The following PTBP3 variants were observed in gnomAD, a reference collection of about 807,000 sequenced individuals.
PTBP3 encodes the protein polypyrimidine tract-binding protein 3.
In PTBP3, 20 loss-of-function variants were observed where a neutral mutation model predicts 58.7. That is an observed-to-expected ratio of 0.34 (90% CI 0.24 to 0.50). The LOEUF is 0.50. Among genes scored for constraint, PTBP3 ranks in the 20% least tolerant of loss-of-function variants. PTBP3 has a pLI of 0.98. For synonymous variants in PTBP3, 185 were observed against 219.8 expected, an observed-to-expected ratio of 0.84 and a Z score of 1.40; for missense variants, 509 against 637.2, an observed-to-expected ratio of 0.80 and a Z score of 2.17.
At chr9:112,259,840 T>C (rs1420250407) in intron 5 of PTBP3, among the ~76,000 whole-genome samples, 1 of 152,246 alleles carries the variant, frequency 6.6e-6, no homozygotes, top group Non-Finnish European at 1.5e-5. Context: ...CCATTATTTA[T>C]GAAATTAGTG....
intron 2 of PTBP3, among the ~76,000 whole-genome samples, chr9:112,280,348 C>A (rs1457068474): frequency 6.9e-6 from 1 of 145,034 alleles, no homozygotes; most frequent in Non-Finnish European, 1.5e-5. Flanking sequence ...AGCCACCGTG[C>A]CTGGGCTGCT....
the PTBP3 span, among the ~76,000 whole-genome samples, chr9:112,355,723 T>C: frequency 6.8e-6 from 1 of 146,250 alleles, no homozygotes; most frequent in Non-Finnish European, 1.5e-5. Flanking sequence ...ACCTCCTGGG[T>C]TCAAGCAATC....
chr9:112,231,302 C>A, intron 10 of PTBP3, 78 bp downstream of exon 10: 1 of 1,175,184 alleles, frequency 8.5e-7, no homozygotes, highest in South Asian at 1.5e-5. Context: ...CAGAAGTAAT[C>A]AATACATATT....
intron 6 of PTBP3, 84 bp downstream of exon 6, chr9:112,252,593 TA>T: frequency 9.6e-7 from 1 of 1,044,790 alleles, no homozygotes; most frequent in Non-Finnish European, 1.4e-6. Flanking sequence ...ACAATTTTTT[TA>T]AAAACACATG....
chr9:112,255,286 GT>G (rs1265624310), intron 5 of PTBP3, among the ~76,000 whole-genome samples: 1 of 152,114 alleles, frequency 6.6e-6, no homozygotes, highest in Non-Finnish European at 1.5e-5. Context: ...TGGAAACATG[GT>G]ATTTGGTGAT....
rs752809168 is a variant in PTBP3 at position 112,232,163 on chromosome 9, G to A, written c.956C>T (p.Ala319Val). 1.2e-5 allele frequency: 20 copies of A among 1,613,198 alleles called. No individual in the cohort carries two copies. Among genetic ancestry groups the A allele is most frequent in the Non-Finnish European group, 1.6e-5 (19 of 1,179,374 alleles). Residue 319 changes from alanine (A) to valine (V), a missense_variant, in exon 9 of 14, where the codon GCC (alanine) becomes GTC (valine). Ala to Val is a moderately conservative substitution (Grantham distance 64). Coordinates refer to ENST00000374257, the MANE Select transcript of PTBP3 (RefSeq NM_001163788.4). ...ITSSAVTGRM[A>V]IPGASGIPGN... ...TGGTATACCACTAGCCCCAGGAATG[G>A]CCATCCTTCCAGTGACAGCAGAAGA...
rs1834802080 is a variant in PTBP3 at position 112,221,408 on chromosome 9, T to C, written c.*2443A>G. The C allele has an allele frequency of 1.0e-6, 1 of 985,862 alleles. No homozygotes were observed. The highest frequency in any genetic ancestry group is 4.7e-5 in the South Asian group (1 of 21,290). 61.1% of individuals were successfully genotyped at this position (985,862 alleles called of 1,614,324 possible). On this transcript the variant is annotated 3_prime_UTR_variant, in exon 14 of 14. Coordinates refer to ENST00000374257, the MANE Select transcript of PTBP3 (RefSeq NM_001163788.4). ...ACACCACTATGATCCCCTTCCGTTATTAGCAACTTTGCTACACTTATGCTG... is the reference window on the plus strand; with the variant it reads ...ACACCACTATGATCCCCTTCCGTTACTAGCAACTTTGCTACACTTATGCTG...
chr9:112,298,590 A>C (rs766221690), intron 1 of PTBP3: 1 of 508,324 alleles, frequency 2.0e-6, no homozygotes, highest in Non-Finnish European at 3.9e-6. Flanking sequence ...CTATGTACAA[A>C]GTTAAAACCA....
the PTBP3 span, among the ~76,000 whole-genome samples, chr9:112,350,957 C>T: frequency 6.6e-6 from 1 of 152,100 alleles, no homozygotes; most frequent in African/African-American, 2.4e-5. Flanking sequence ...CGCCACCACG[C>T]CCAGCTAATT....
In PTBP3 at chr9:112,320,289, A is replaced by T. The variant is rs1210476959; in HGVS notation, c.-52+13181T>A. 2.2e-3 allele frequency among the ~76,000 whole-genome samples: 85 copies of T among 39,062 alleles called. 2 individuals carry two copies. The highest frequency in any genetic ancestry group is 0.021 in the African/African-American group (79 of 3,796). 25.6% of individuals were successfully genotyped at this position (39,062 alleles called of 152,430 possible). ...CGAGACCCTTTCTCTTAAAAAAAAA[A>T]AAATATATATATATATATATATATA... On this transcript the variant is annotated intron_variant, in intron 1 of 13. Coordinates refer to ENST00000374257, the MANE Select transcript of PTBP3 (RefSeq NM_001163788.4).
At chr9:112,299,387 C>A (rs577376932) in intron 1 of PTBP3, among the ~76,000 whole-genome samples, 7 of 151,872 alleles carry the variant, frequency 4.6e-5, no homozygotes, top group Non-Finnish European at 1.0e-4. Flanking sequence ...TTAAAATTAA[C>A]AATTTTATTT....
the PTBP3 span, among the ~76,000 whole-genome samples, chr9:112,353,288 T>TTACCTAG: frequency 6.6e-6 from 1 of 152,198 alleles, no homozygotes; most frequent in African/African-American, 2.4e-5. Flanking sequence ...CTCCCCTAAC[T>TTACCTAG]TACCTAGTCC....
At chr9:112,261,217 T>C (rs578059692) in intron 5 of PTBP3, among the ~76,000 whole-genome samples, 3 of 152,314 alleles carry the variant, frequency 2.0e-5, no homozygotes, top group African/African-American at 7.2e-5. Context: ...CTGGATACCA[T>C]TGCTAGAATC....
At chr9:112,328,701 G>A (rs7853917) in intron 1 of PTBP3, among the ~76,000 whole-genome samples, 1 of 152,110 alleles carries the variant, frequency 6.6e-6, no homozygotes, top group Non-Finnish European at 1.5e-5. Context: ...GAGGTGAAAG[G>A]ATGGCTTGAG....
At chr9:112,326,260 G>A (rs544350306) in intron 1 of PTBP3, among the ~76,000 whole-genome samples, 63 of 152,300 alleles carry the variant, frequency 4.1e-4, no homozygotes, top group Non-Finnish European at 6.9e-4. Flanking sequence ...TGCAGCAAAT[G>A]CCTTCTACAT....
At chr9:112,262,745 T>C in intron 4 of PTBP3, 146 bp from the exon 5 acceptor site, 1 of 641,850 alleles carries the variant, frequency 1.6e-6, no homozygotes, top group African/African-American at 1.9e-5. Flanking sequence ...TATCCTAAAT[T>C]TGTAATCAGT....
intron 7 of PTBP3, among the ~76,000 whole-genome samples, chr9:112,240,648 GT>G (rs35228236): frequency 0.12 from 17,722 of 147,332 alleles, 1,370 homozygotes; most frequent in Admixed American, 0.24. Context: ...ACTCCTACTT[GT>G]TTTTTTTTTT....
At chr9:112,345,081 C>T in the PTBP3 span, among the ~76,000 whole-genome samples, 6 of 151,814 alleles carry the variant, frequency 4.0e-5, no homozygotes, top group South Asian at 4.2e-4. Flanking sequence ...TGCGGTGAGC[C>T]GAGATGACAC....
chr9:112,280,767 ATG>A (rs3032061), intron 2 of PTBP3, among the ~76,000 whole-genome samples: 124,546 of 150,824 alleles, frequency 0.83, 51,641 homozygotes, highest in South Asian at 0.91. Context: ...CTGTGTGTGT[ATG>A]TGTGTGTGTG....
Sources: gnomAD v4.1 joint callset for allele counts (sites outside exome capture counted in the v4.1 genomes callset) on GRCh38, gnomAD v4.1.1 for gene constraint, MANE v1.5 for transcripts, NCBI Gene and HGNC (gene_info 2026-07-23, HGNC 2026-07-21) for gene names.